The following SORBS2 variants were observed in gnomAD, a reference collection of about 807,000 sequenced individuals.
SORBS2 encodes sorbin and SH3 domain containing 2, also known as sorbin and SH3 domain-containing protein 2.
Under a neutral mutation model 97.7 loss-of-function variants are expected in SORBS2, and 46 were observed. That is an observed-to-expected ratio of 0.47 (90% confidence interval 0.37 to 0.60). SORBS2 has a LOEUF of 0.60. Ranked by LOEUF, SORBS2 falls within the 20% of genes least tolerant of loss-of-function variation. The probability of loss-of-function intolerance (pLI) is 0.00; values close to 1 mark genes in which losing one functional copy is unlikely to be tolerated. For missense variants in SORBS2, 1,316 were observed against 1,282.3 expected, an observed-to-expected ratio of 1.03 and a Z score of -0.40; for synonymous variants, 476 against 473.4, an observed-to-expected ratio of 1.01 and a Z score of -0.07.
At chr4:185,702,314 A>G (rs1204968482) in intron 2 of SORBS2, among the ~76,000 whole-genome samples, 1 of 152,276 alleles carries the variant, frequency 6.6e-6, no homozygotes, top group African/African-American at 2.4e-5. Flanking sequence ...GCCGGCGTGC[A>G]GAGATCCCAT....
intron 1 of SORBS2, among the ~76,000 whole-genome samples, chr4:185,904,994 C>T (rs578000660): frequency 6.6e-6 from 1 of 152,146 alleles, no homozygotes; most frequent in Non-Finnish European, 1.5e-5. Flanking sequence ...GTCCCAGCTA[C>T]TCGGGAAGCT....
intron 7 of SORBS2, among the ~76,000 whole-genome samples, chr4:185,621,777 T>C (rs58215930): frequency 0.17 from 26,452 of 152,152 alleles, 2,449 homozygotes; most frequent in African/African-American, 0.22. Flanking sequence ...TTTTATACTA[T>C]AAATTCTGAA....
intron 1 of SORBS2, among the ~76,000 whole-genome samples, chr4:185,798,002 C>T (rs936755084): frequency 6.6e-6 from 1 of 152,184 alleles, no homozygotes; most frequent in Admixed American, 6.5e-5. Flanking sequence ...TTTCCCCTCC[C>T]TCATCCCAAA....
Position 185,623,629 on chromosome 4 carries a change from G to A in SORBS2, c.1500C>T (p.Ser500=), listed in dbSNP as rs1223387064. The change falls in exon 7 of 15, where the codon TCC becomes TCT. Residue 500 remains serine, a synonymous_variant. Transcript: ENST00000418609. This position sits in a 1 kb window ranked among gnomAD's most constrained non-coding sequence, Gnocchi z 6.4. ...ACACAACCCCGTCCTGGTCGCTGTC[G>A]GAAAACTCCACGTGTGCTCGGGGCT... is the stretch of plus-strand genomic sequence containing the variant. The A allele has an allele frequency of 6.8e-6, 11 of 1,613,950 alleles. No homozygotes were observed. In the African/African-American group the frequency reaches 8.0e-5, roughly 12 times the overall value.
intron 1 of SORBS2, among the ~76,000 whole-genome samples, chr4:185,811,285 C>A (rs1385380279): frequency 6.6e-6 from 1 of 152,152 alleles, no homozygotes; most frequent in African/African-American, 2.4e-5. Flanking sequence ...TCATGTAGTT[C>A]TTTTTCATGT....
chr4:185,657,535 G>A, upstream of SORBS2: 3 of 1,582,096 alleles, frequency 1.9e-6, no homozygotes, highest in South Asian at 1.2e-5. Flanking sequence ...GGTACAGGGG[G>A]ATAGAGCTGC....
At chr4:185,807,864 C>CAA (rs1220628188) in intron 1 of SORBS2, among the ~76,000 whole-genome samples, 3 of 152,162 alleles carry the variant, frequency 2.0e-5, no homozygotes, top group African/African-American at 7.2e-5. Flanking sequence ...TCATATATCA[C>CAA]AAGTCTTCTT....
chr4:185,756,901 C>T lies in SORBS2; in HGVS notation c.-198+18326G>A, dbSNP rs371060434. The T allele has an allele frequency of 6.9e-5, 76 of 1,100,090 alleles. 1 individual carries two copies. The African/African-American group carries it at 1.0e-3, about 15-fold the overall frequency. The allele number at this position is 1,100,090 out of a possible 1,614,324, so 68.1% of individuals were successfully genotyped here. On this transcript the variant is annotated intron_variant, in intron 2 of 20. Transcript: ENST00000284776. The stretch of plus-strand genomic sequence containing the variant: ...TCTTTCACATTTGCTGCTTATAATT[C>T]CTGAATGGTCCATATTGAGTATTTT...
At chr4:185,757,209 T>C (rs886198875) in intron 2 of SORBS2, 19 of 328,728 alleles carry the variant, frequency 5.8e-5, no homozygotes, top group African/African-American at 4.0e-4. Flanking sequence ...GCTTTTATTC[T>C]GACATAAGAT....
intron 2 of SORBS2, among the ~76,000 whole-genome samples, chr4:185,696,559 T>A (rs1398475050): frequency 6.6e-6 from 1 of 152,170 alleles, no homozygotes; most frequent in Non-Finnish European, 1.5e-5. Context: ...GGTCAAGTGA[T>A]TCTCCTGCCT....
chr4:185,767,734 C>T (rs79376748), intron 2 of SORBS2, among the ~76,000 whole-genome samples: 8,396 of 152,222 alleles, frequency 0.055, 350 homozygotes, highest in South Asian at 0.093. Flanking sequence ...CAAGTGCTCT[C>T]GTCTTTGTCC....
chr4:185,843,179 C>G (rs2099212651), intron 1 of SORBS2, among the ~76,000 whole-genome samples: 1 of 151,998 alleles, frequency 6.6e-6, no homozygotes. Flanking sequence ...GGAAAAGGCC[C>G]CCACAAAAGG....
At position 185,609,991 on chromosome 4, in the gene SORBS2, C is replaced by A. The variant is rs192826752; in HGVS notation, c.2796+1789G>T. 5.1e-4 allele frequency among the ~76,000 whole-genome samples: 77 copies of A among 152,260 alleles called. No homozygotes were observed. In the East Asian group the frequency reaches 0.014, roughly 29 times the overall value. ...GCTTCTCAACATATTTTTTCCCCAG[C>A]AGTGAGCAATAAAAAACTGGTTATT... On this transcript the variant is annotated intron_variant, in intron 12 of 14. Coordinates refer to ENST00000418609, the Ensembl canonical transcript of SORBS2.
chr4:185,768,712 C>CAAAAAAAAAAAAAAA (rs72088117), intron 2 of SORBS2, among the ~76,000 whole-genome samples: 2 of 116,820 alleles, frequency 1.7e-5, no homozygotes, highest in Non-Finnish European at 1.9e-5. Flanking sequence ...AAAAAAAAAA[C>CAAAAAAAAAAAAAAA]AAAAAAACAA....
chr4:185,623,101 G>A lies in SORBS2; in HGVS notation c.2028C>T (p.Asn676=). The A allele has an allele frequency of 6.2e-7, 1 of 1,614,194 alleles. No homozygotes were observed. Among genetic ancestry groups the A allele is most frequent in the South Asian group, 1.1e-5 (1 of 91,076 alleles). ...TCCTCCTCAGCGCTCTCAGGGATGAGTTCCTCTCGGGAACATCTGGCAGCA... is the reference window on the plus strand; with the variant it reads ...TCCTCCTCAGCGCTCTCAGGGATGAATTCCTCTCGGGAACATCTGGCAGCA... Residue 676 remains asparagine (N), a synonymous_variant, in exon 7 of 15, where the codon AAC becomes AAT. Transcript: ENST00000418609. The surrounding 1 kb of genome is among the most constrained non-coding windows in gnomAD (Gnocchi z 6.4).
chr4:185,808,728 T>G (rs2099166981), intron 1 of SORBS2, among the ~76,000 whole-genome samples: 1 of 152,174 alleles, frequency 6.6e-6, no homozygotes, highest in South Asian at 2.1e-4. Flanking sequence ...AATTATTTAA[T>G]CTCTTTCCAG....
chr4:185,646,076 G>A (rs2097202107), intron 4 of SORBS2: 1 of 152,220 alleles, frequency 6.6e-6, no homozygotes, highest in African/African-American at 2.4e-5. Context: ...GGTAACCTGA[G>A]GAGGGATTTA....
intron 1 of SORBS2, among the ~76,000 whole-genome samples, chr4:185,841,096 C>T (rs182815806): frequency 3.3e-5 from 5 of 152,256 alleles, no homozygotes; most frequent in South Asian, 4.1e-4. Context: ...GTGTGGCGTG[C>T]GGCATTGCGG....
chr4:185,592,266 G>A (rs2095963750), intron 13 of SORBS2, among the ~76,000 whole-genome samples: 1 of 152,110 alleles, frequency 6.6e-6, no homozygotes, highest in Admixed American at 6.5e-5. Context: ...TTAAATGAAA[G>A]CAACTAAGCA....
Sources: allele counts gnomAD v4.1 joint callset (sites outside exome capture counted in the v4.1 genomes callset), GRCh38; gene constraint gnomAD v4.1.1; non-coding constraint Gnocchi (gnomAD v3.1); transcripts MANE v1.5; gene names NCBI Gene and HGNC (gene_info 2026-07-23, HGNC 2026-07-21).